The following CNTN5 variants were observed in gnomAD, a reference collection of about 807,000 sequenced individuals.
The protein encoded by CNTN5 is contactin 5.
In CNTN5, 77 loss-of-function variants were observed where a neutral mutation model predicts 129.1. The observed-to-expected ratio is 0.60, with a 90% CI of 0.50 to 0.72. CNTN5 has a LOEUF of 0.72. CNTN5 is among the 30% of genes least tolerant of loss of function. The pLI is 0.00. For synonymous variants in CNTN5, 509 were observed against 465.6 expected, an observed-to-expected ratio of 1.09 and a Z score of -1.20; for missense variants, 1,478 against 1,328.8, an observed-to-expected ratio of 1.11 and a Z score of -1.75.
At chr11:99,580,987 C>G (rs946067869) in intron 3 of CNTN5, among the ~76,000 whole-genome samples, 6 of 141,640 alleles carry the variant, frequency 4.2e-5, no homozygotes, top group African/African-American at 1.6e-4. Flanking sequence ...AAATTTCCCT[C>G]TACACACTGC....
intron 7 of CNTN5, among the ~76,000 whole-genome samples, chr11:99,923,840 A>T (rs10894167): frequency 3.3e-4 from 50 of 151,248 alleles, no homozygotes; most frequent in African/African-American, 1.2e-3. Flanking sequence ...CAGGCTGGAG[A>T]GCAGTGGCAT....
At chr11:99,901,672 T>C (rs1370811385) in intron 6 of CNTN5, among the ~76,000 whole-genome samples, 1 of 152,202 alleles carries the variant, frequency 6.6e-6, no homozygotes, top group African/African-American at 2.4e-5. Flanking sequence ...CTGAGATTTA[T>C]TCATTCAGGA....
intron 8 of CNTN5, among the ~76,000 whole-genome samples, chr11:100,001,618 A>G (rs1056798428): frequency 1.3e-5 from 2 of 152,334 alleles, no homozygotes; most frequent in African/African-American, 4.8e-5. Context: ...TACTCCCACA[A>G]TATTTGGCAA....
intron 3 of CNTN5, among the ~76,000 whole-genome samples, chr11:99,735,288 G>A (rs981819291): frequency 6.6e-5 from 10 of 152,120 alleles, no homozygotes; most frequent in Admixed American, 2.0e-4. Context: ...TTATGTCCCA[G>A]TTCCTCCAGT....
At chr11:99,218,966 A>G (rs564794344) in intron 1 of CNTN5, among the ~76,000 whole-genome samples, 29 of 152,222 alleles carry the variant, frequency 1.9e-4, no homozygotes, top group African/African-American at 6.5e-4. Flanking sequence ...CAGTACAAAA[A>G]GATAGAAGAC....
chr11:99,352,655 T>C (rs1938378074), intron 2 of CNTN5, among the ~76,000 whole-genome samples: 1 of 152,150 alleles, frequency 6.6e-6, no homozygotes, highest in Non-Finnish European at 1.5e-5. Flanking sequence ...TAGATAGATA[T>C]TCAGTTAGCT....
At chr11:99,073,033 C>T (rs1379886301) in intron 1 of CNTN5, among the ~76,000 whole-genome samples, 1 of 152,140 alleles carries the variant, frequency 6.6e-6, no homozygotes, top group Admixed American at 6.6e-5. Context: ...ATTTGAGATT[C>T]ATCTTTGCAG....
chr11:99,840,463 A>C (rs888025581), intron 4 of CNTN5, among the ~76,000 whole-genome samples: 3 of 152,092 alleles, frequency 2.0e-5, no homozygotes, highest in African/African-American at 7.2e-5. Flanking sequence ...GAAGTCCATC[A>C]TTCTTCGTAG....
intron 3 of CNTN5, among the ~76,000 whole-genome samples, chr11:99,750,115 A>G (rs112553898): frequency 3.1e-4 from 47 of 152,318 alleles, no homozygotes; most frequent in African/African-American, 1.1e-3. Flanking sequence ...TGTCTGTTAT[A>G]ATAGCTAGCC....
rs372749441 is a variant in CNTN5 at position 99,981,077 on chromosome 11, GATAT to G, written c.878-20933_878-20930del. Among the ~76,000 whole-genome samples the G allele has an allele frequency of 4.2e-4, 24 of 57,594 alleles. 2 individuals carry two copies. In the East Asian group the frequency reaches 6.0e-3, roughly 14 times the overall value. The allele number at this position is 57,594 out of a possible 152,430, so 37.8% of individuals were successfully genotyped here. On this transcript the variant is annotated intron_variant, in intron 8 of 24. Coordinates refer to ENST00000524871, the MANE Select transcript of CNTN5 (RefSeq NM_014361.4). The stretch of plus-strand genomic sequence containing the variant: ...TTTTATAGAGAGAAAGAGCCAATAG[GATAT>G]ATATATATATATATATATATATACA...
At chr11:99,549,236 A>T (rs924400199) in intron 2 of CNTN5, among the ~76,000 whole-genome samples, 15 of 151,964 alleles carry the variant, frequency 9.9e-5, no homozygotes, top group Admixed American at 9.8e-4. Context: ...TCTTGACTGA[A>T]TTTTTGACTA....
chr11:99,176,778 A>G (rs1174871158), intron 1 of CNTN5, among the ~76,000 whole-genome samples: 1 of 152,104 alleles, frequency 6.6e-6, no homozygotes, highest in Non-Finnish European at 1.5e-5. Context: ...TTGGTCCCTG[A>G]GCTTCCACCT....
intron 3 of CNTN5, among the ~76,000 whole-genome samples, chr11:99,583,594 G>A (rs535378704): frequency 6.0e-4 from 92 of 152,318 alleles, no homozygotes; most frequent in African/African-American, 2.0e-3. Context: ...AGCAATGAGC[G>A]AGGCTCCGTG....
At chr11:99,823,020 C>T (rs1042712366) in intron 4 of CNTN5, among the ~76,000 whole-genome samples, 1 of 152,192 alleles carries the variant, frequency 6.6e-6, no homozygotes, top group African/African-American at 2.4e-5. Context: ...GTGAAGGACT[C>T]AGTTCAACAC....
rs1294407690 is a variant in CNTN5 at position 99,380,436 on chromosome 11, A to ATTAAC, written c.-71+54957_-71+54961dup. On this transcript the variant is annotated intron_variant, in intron 2 of 24. Transcript: ENST00000524871. ...CAATGATCATTACACTGTTTCTACT[A>ATTAAC]TTAACTTAAACAAGAACATTTGTCA... 2.0e-5 allele frequency among the ~76,000 whole-genome samples: 3 copies of ATTAAC among 152,282 alleles called. No homozygotes were observed. The South Asian group carries it at 6.2e-4, about 32-fold the overall frequency.
intron 1 of CNTN5, among the ~76,000 whole-genome samples, chr11:99,166,332 C>T (rs988674886): frequency 4.2e-5 from 6 of 143,618 alleles, no homozygotes; most frequent in East Asian, 4.2e-4. Context: ...AACCAGGAGG[C>T]GGAGGTTGCA....
At chr11:99,816,555 C>T (rs2135540128) in intron 3 of CNTN5, among the ~76,000 whole-genome samples, 1 of 152,272 alleles carries the variant, frequency 6.6e-6, no homozygotes, top group East Asian at 1.9e-4. Flanking sequence ...TTAGTGCCTC[C>T]AATCAAATAA....
intron 8 of CNTN5, among the ~76,000 whole-genome samples, chr11:99,958,143 C>A (rs545126158): frequency 6.6e-6 from 1 of 152,090 alleles, no homozygotes; most frequent in East Asian, 1.9e-4. Flanking sequence ...ATGGAGAAAC[C>A]AGTAGAAAAA....
chr11:99,079,522 C>G (rs1865709831), intron 1 of CNTN5, among the ~76,000 whole-genome samples: 1 of 152,134 alleles, frequency 6.6e-6, no homozygotes, highest in Non-Finnish European at 1.5e-5. Flanking sequence ...AGTTCAAAAT[C>G]AGTAGGATCT....
Sources: allele counts gnomAD v4.1 joint callset (sites outside exome capture counted in the v4.1 genomes callset), GRCh38; gene constraint gnomAD v4.1.1; transcripts MANE v1.5; gene names NCBI Gene and HGNC (gene_info 2026-07-23, HGNC 2026-07-21).